RBM34: variants seen among roughly 807,000 people sequenced by gnomAD.
RBM34 encodes RNA-binding protein 34.
RBM34 carries 39 observed loss-of-function variants against 44.6 expected under a neutral mutation model. The ratio of observed to expected loss-of-function variants is 0.87; its 90% CI spans 0.68 to 1.14. The LOEUF is 1.14. Among genes scored for constraint, RBM34 ranks in the 50% most tolerant of loss-of-function variants. The pLI, the probability that RBM34 is intolerant of heterozygous loss-of-function variation, is 0.00. For missense variants in RBM34, 572 were observed against 517.9 expected, an observed-to-expected ratio of 1.10 and a Z score of -1.01; for synonymous variants, 194 against 184.0, an observed-to-expected ratio of 1.05 and a Z score of -0.44.
Position 235,138,174 on chromosome 1 carries a change from T to C in RBM34, c.702A>G (p.Lys234=). ...TTTTCTGATCAGGATGAATTTTACGTCTACACCAAAAAAAAAAAAAGAAAG... is the reference window on the plus strand; with the variant it reads ...TTTTCTGATCAGGATGAATTTTACGCCTACACCAAAAAAAAAAAAAGAAAG... ...GTLSKKLAAI[K]RKIHPDQKNI... The change falls in exon 7 of 11, where the codon AAA becomes AAG. Residue 234 remains lysine (K), a splice_region_variant and synonymous_variant. Coordinates refer to ENST00000408888, the MANE Select transcript of RBM34 (RefSeq NM_015014.4). 1 of 1,568,310 alleles carries C rather than the reference T, an allele frequency of 6.4e-7. No individual in the cohort carries two copies. The highest frequency in any genetic ancestry group is 8.6e-7 in the Non-Finnish European group (1 of 1,162,496).
Position 235,135,756 on chromosome 1 carries a change from C to T in RBM34, c.904G>A (p.Ala302Thr). 6.2e-7 allele frequency: 1 copy of T among 1,613,792 alleles called. No individual in the cohort carries two copies. ...CAGTCCAGAAAGTGCTTCTCAATGG[C>T]AGATTCTTCAACTTCTGAAAACAAA... ...GNLPYKVEES[A>T]IEKHFLDCGS... Residue 302 changes from alanine to threonine, a missense_variant, in exon 10 of 11, where the codon GCC becomes ACC. Coordinates refer to ENST00000408888, the MANE Select transcript of RBM34 (RefSeq NM_015014.4).
In RBM34 at chr1:235,160,533, C is replaced by T. The variant is rs760370786; in HGVS notation, c.343G>A (p.Ala115Thr). 1.9e-6 allele frequency: 3 copies of T among 1,612,744 alleles called. No individual in the cohort carries two copies. The South Asian group carries it at 3.3e-5, about 18-fold the overall frequency. The change falls in exon 3 of 11, where the codon GCA (alanine) becomes ACA (threonine). Residue 115 changes from alanine to threonine, a missense_variant. By Grantham distance (58) the Ala-to-Thr change is moderately conservative. Transcript: ENST00000408888. ...KVKAKKKHTN[A>T]EKKLADRESA... ...AACCTGTCTGCCAACTTTTTTTCTG[C>T]GTTAGTGTGTTTCTTCTTCGCTTTC...
At chr1:235,144,944 G>A (rs1661840858) in intron 6 of RBM34, among the ~76,000 whole-genome samples, 1 of 152,192 alleles carries the variant, frequency 6.6e-6, no homozygotes, top group Non-Finnish European at 1.5e-5. Flanking sequence ...TCAGTAGGCT[G>A]AGGCAGGAGA....
rs372922102 is a variant in RBM34 at position 235,138,173 on chromosome 1, G to A, written c.703C>T (p.Arg235Cys). The A allele has an allele frequency of 1.1e-4, 175 of 1,558,840 alleles. 1 individual carries two copies. In the South Asian group the frequency reaches 1.6e-3, roughly 14 times the overall value. Reference protein sequence around the residue: ...TLSKKLAAIKRKIHPDQKNIN... With the variant: ...TLSKKLAAIKCKIHPDQKNIN... Reference sequence around the variant, plus strand: ...TTTTTCTGATCAGGATGAATTTTACGTCTACACCAAAAAAAAAAAAAGAAA... The same window carrying A: ...TTTTTCTGATCAGGATGAATTTTACATCTACACCAAAAAAAAAAAAAGAAA... Residue 235 changes from arginine (R) to cysteine (C), a missense_variant and splice_region_variant, in exon 7 of 11, where the codon CGT (arginine) becomes TGT (cysteine). Coordinates refer to ENST00000408888, the MANE Select transcript of RBM34 (RefSeq NM_015014.4).
At chr1:235,139,568 G>A (rs562556679) in intron 6 of RBM34, among the ~76,000 whole-genome samples, 41 of 152,174 alleles carry the variant, frequency 2.7e-4, no homozygotes, top group Non-Finnish European at 4.6e-4. Context: ...CACAGCTGCC[G>A]ACAACATCCA....
At chr1:235,145,261 C>A (rs1461832162) in intron 6 of RBM34, among the ~76,000 whole-genome samples, 1 of 151,482 alleles carries the variant, frequency 6.6e-6, no homozygotes, top group African/African-American at 2.4e-5. Context: ...TTTCCAACAA[C>A]CACAAAGCTC....
chr1:235,140,802 T>C (rs1190512056), intron 6 of RBM34, among the ~76,000 whole-genome samples: 1 of 152,182 alleles, frequency 6.6e-6, no homozygotes, highest in Non-Finnish European at 1.5e-5. Context: ...AGCTCAGGGA[T>C]TGTAAATACA....
At position 235,138,191 on chromosome 1, in the gene RBM34, A is replaced by AAAG; in HGVS notation, c.702-18_702-17insCTT. 2.6e-6 allele frequency: 4 copies of AAAG among 1,550,070 alleles called. No homozygotes were observed. Among genetic ancestry groups the AAAG allele is most frequent in the Non-Finnish European group, 3.5e-6 (4 of 1,147,374 alleles). Reference sequence around the variant, plus strand: ...ATTTTACGTCTACACCAAAAAAAAAAAAAGAAAGAAAGAAAAGAGAGACAA... The same window carrying AAAG: ...ATTTTACGTCTACACCAAAAAAAAAAAAGAAAGAAAGAAAGAAAAGAGAGACAA... On this transcript the variant is annotated splice_polypyrimidine_tract_variant and intron_variant, in intron 6 of 10. Coordinates refer to ENST00000408888, the MANE Select transcript of RBM34 (RefSeq NM_015014.4).
In RBM34 at chr1:235,148,457, G is replaced by T; in HGVS notation, c.658-10C>A. ...TTCCCTCTGCTGGAATCTTTCAAGA[G>T]AAAAAAAAAAGTATTAAAGACAGTA... On this transcript the variant is annotated splice_polypyrimidine_tract_variant and intron_variant, in intron 5 of 10. Transcript: ENST00000408888. 2.1e-6 allele frequency: 3 copies of T among 1,438,370 alleles called. No homozygotes were observed. The highest frequency in any genetic ancestry group is 2.8e-6 in the Non-Finnish European group (3 of 1,071,974). 89.1% of individuals were successfully genotyped at this position (1,438,370 alleles called of 1,614,324 possible).
At position 235,148,465 on chromosome 1, in the gene RBM34, A is replaced by T; in HGVS notation, c.658-18T>A. 1 of 1,569,500 alleles carries T rather than the reference A, an allele frequency of 6.4e-7. No homozygotes were observed. The highest frequency in any genetic ancestry group is 8.6e-7 in the Non-Finnish European group (1 of 1,159,308). On this transcript the variant is annotated intron_variant, in intron 5 of 10. Coordinates refer to ENST00000408888, the MANE Select transcript of RBM34 (RefSeq NM_015014.4). ...GCTGGAATCTTTCAAGAGAAAAAAA[A>T]AAGTATTAAAGACAGTATTTGAAGT...
chr1:235,135,499 G>C, intron 10 of RBM34, 153 bp downstream of exon 10: 1 of 695,772 alleles, frequency 1.4e-6, no homozygotes, highest in Non-Finnish European at 2.5e-6. Context: ...AAAGTGCTGG[G>C]ATTACAGGCA....
chr1:235,141,732 C>T (rs1317041314), intron 6 of RBM34, among the ~76,000 whole-genome samples: 2 of 152,204 alleles, frequency 1.3e-5, no homozygotes, highest in Admixed American at 1.3e-4. Context: ...CACGAGGCCA[C>T]CGGGAGGAAC....
intron 6 of RBM34, among the ~76,000 whole-genome samples, chr1:235,148,027 C>T (rs1170196890): frequency 6.6e-6 from 1 of 152,150 alleles, no homozygotes; most frequent in African/African-American, 2.4e-5. Flanking sequence ...TGGTCACAGG[C>T]TGGCAGTATA....
intron 5 of RBM34, among the ~76,000 whole-genome samples, chr1:235,148,815 G>A (rs1199625404): frequency 1.3e-5 from 2 of 151,840 alleles, no homozygotes; most frequent in East Asian, 2.0e-4. Flanking sequence ...AGCCAGGATG[G>A]TCTCGATCTC....
chr1:235,145,498 G>A lies in RBM34; in HGVS notation c.701+2906C>T, dbSNP rs1468927475. 2.6e-5 allele frequency among the ~76,000 whole-genome samples: 4 copies of A among 151,982 alleles called. No homozygotes were observed. In the East Asian group the frequency reaches 5.8e-4, roughly 22 times the overall value. On this transcript the variant is annotated intron_variant, in intron 6 of 10. Coordinates refer to ENST00000408888, the MANE Select transcript of RBM34 (RefSeq NM_015014.4). ...TCGCCACGCTGCCCAGGCTGGTCTC[G>A]AACTCCTAGGCTCATGCAATCCACC...
At chr1:235,134,675 G>A (rs979720148) in intron 10 of RBM34, among the ~76,000 whole-genome samples, 4 of 151,796 alleles carry the variant, frequency 2.6e-5, no homozygotes, top group African/African-American at 9.7e-5. Context: ...AAAGAACTGG[G>A]ACATCTTTTG....
Position 235,145,130 on chromosome 1 carries a change from G to C in RBM34, c.701+3274C>G, listed in dbSNP as rs146140483. 3.5e-4 allele frequency among the ~76,000 whole-genome samples: 53 copies of C among 152,234 alleles called. No homozygotes were observed. The East Asian group carries it at 9.2e-3, about 27-fold the overall frequency. On this transcript the variant is annotated intron_variant, in intron 6 of 10. Transcript: ENST00000408888. ...TCATGTCACAAAAGACTGATTTCAT[G>C]AACATCCCACAGATCAATAAGACTA...
At chr1:235,132,613 T>C (rs886752595) in intron 10 of RBM34, among the ~76,000 whole-genome samples, 1 of 152,116 alleles carries the variant, frequency 6.6e-6, no homozygotes, top group Admixed American at 6.5e-5. Context: ...GGCCCCCATA[T>C]GCAATATTTT....
intron 5 of RBM34, among the ~76,000 whole-genome samples, chr1:235,151,579 G>A (rs111751248): frequency 1.3e-3 from 192 of 152,258 alleles, no homozygotes; most frequent in African/African-American, 4.4e-3. Context: ...GGTGCAGGAG[G>A]TGCTACCAGC....
Sources: gnomAD v4.1 joint callset for allele counts (sites outside exome capture counted in the v4.1 genomes callset) on GRCh38, gnomAD v4.1.1 for gene constraint, MANE v1.5 for transcripts, NCBI Gene and HGNC (gene_info 2026-07-23, HGNC 2026-07-21) for gene names.